Variants in USP33 observed in about 807,000 individuals in gnomAD.
The protein encoded by USP33 is ubiquitin specific peptidase 33.
USP33 carries 46 observed loss-of-function variants against 124.2 expected under a neutral mutation model. That is an observed-to-expected ratio of 0.37 (90% CI 0.29 to 0.47). The LOEUF (loss-of-function observed/expected upper bound fraction) is 0.47. Among genes scored for constraint, USP33 ranks in the 20% least tolerant of loss-of-function variants. USP33 has a pLI of 0.99. For synonymous variants in USP33, 350 were observed against 352.3 expected (o/e 0.99, Z 0.07); for missense variants, 851 against 1,070.6 (o/e 0.79, Z 2.86).
chr1:77,723,953 C>T (rs765345926), intron 11 of USP33, among the ~76,000 whole-genome samples: 3 of 151,928 alleles, frequency 2.0e-5, no homozygotes, highest in Non-Finnish European at 4.4e-5. Context: ...CGTGAGCCAC[C>T]GCACCCAGCC....
rs200160829 is a variant in USP33 at position 77,741,657 on chromosome 1, A to G, written c.41T>C (p.Val14Ala). 1 of 1,602,230 alleles carries G rather than the reference A, an allele frequency of 6.2e-7. No individual in the cohort carries two copies. The change falls in exon 2 of 24, where the codon GTT (valine) becomes GCT (alanine). Residue 14 changes from valine (V) to alanine (A), a missense_variant. Physicochemically the swap from Val to Ala is moderately conservative, Grantham distance 64 (BLOSUM62 0). Around this residue, in one of 4 missense-constraint regions of USP33, gnomAD observed 221 missense variants for 302.9 expected, o/e 0.73. Transcript: ENST00000370794. ...CAAATCTTCTTTTGTTATTTCACCA[A>G]CTGAATCCAAATGTGGACAATGATT... ...FRNHCPHLDS[V>A]GEITKEDLIQ...
At chr1:77,728,842 T>G (rs1677459841) in intron 9 of USP33, 130 bp from the exon 10 acceptor site, 1 of 974,944 alleles carries the variant, frequency 1.0e-6, no homozygotes, top group Non-Finnish European at 1.5e-6. Flanking sequence ...AATACCAGTT[T>G]GGAGAGCATA....
At chr1:77,721,102 C>T (rs1042939415) in intron 15 of USP33, 70 bp downstream of exon 15, 15 of 1,564,298 alleles carry the variant, frequency 9.6e-6, no homozygotes, top group Non-Finnish European at 1.2e-5. Flanking sequence ...AATTTAACTC[C>T]ACATACCCAA....
At chr1:77,729,784 T>C (rs971137769) in intron 9 of USP33, 76 bp downstream of exon 9, 26 of 1,407,190 alleles carry the variant, frequency 1.8e-5, no homozygotes, top group Non-Finnish European at 2.3e-5. Context: ...AAAAGATAAG[T>C]AGACCCAAAA....
intron 1 of USP33, among the ~76,000 whole-genome samples, chr1:77,747,250 T>TC (rs1401735411): frequency 4.0e-5 from 6 of 150,624 alleles, no homozygotes; most frequent in African/African-American, 1.5e-4. Flanking sequence ...CTTTTTTTTT[T>TC]TTTTTTTTTT....
intron 6 of USP33, among the ~76,000 whole-genome samples, chr1:77,734,914 G>A (rs1678252701): frequency 1.3e-5 from 2 of 152,106 alleles, no homozygotes; most frequent in South Asian, 4.2e-4. Context: ...ACGAGGTCAG[G>A]AGATCGAGAC....
Position 77,702,141 on chromosome 1 carries a change from C to CAAAAAAAAAAAAAAAAAAAA in USP33, c.2407-690_2407-671dup, listed in dbSNP as rs58750531. On this transcript the variant is annotated intron_variant, in intron 21 of 23. Coordinates refer to ENST00000370794, the MANE Select transcript of USP33 (RefSeq NM_201624.3). ...TGGGTGACAGAACAAGACCCTGTCT[C>CAAAAAAAAAAAAAAAAAAAA]AAAAAAAAAAAAAAAAAAAAAAAAA... 1.8e-3 allele frequency among the ~76,000 whole-genome samples: 29 copies of CAAAAAAAAAAAAAAAAAAAA among 15,784 alleles called. 1 individual carries two copies. The highest frequency in any genetic ancestry group is 3.3e-3 in the African/African-American group (26 of 7,804). The allele number at this position is 15,784 out of a possible 152,430, so 10.4% of individuals were successfully genotyped here.
At chr1:77,753,445 A>T (rs1436743381) in intron 1 of USP33, among the ~76,000 whole-genome samples, 2 of 152,078 alleles carry the variant, frequency 1.3e-5, no homozygotes, top group Admixed American at 1.3e-4. Flanking sequence ...AAAAAATAAT[A>T]ATTTTTTAAT....
intron 22 of USP33, among the ~76,000 whole-genome samples, chr1:77,700,696 TC>T (rs1431823290): frequency 6.7e-6 from 1 of 148,670 alleles, no homozygotes; most frequent in Non-Finnish European, 1.5e-5. Flanking sequence ...CATATCAGAA[TC>T]TTTTTTTTTT....
chr1:77,759,275 C>T (rs2101636205), intron 1 of USP33: 1 of 261,916 alleles, frequency 3.8e-6, no homozygotes. Flanking sequence ...TTTCAGTCAC[C>T]CACTGAGAGG....
At chr1:77,756,241 C>T (rs549731148) in intron 1 of USP33, among the ~76,000 whole-genome samples, 1 of 152,118 alleles carries the variant, frequency 6.6e-6, no homozygotes, top group African/African-American at 2.4e-5. Context: ...CAGCACCTGG[C>T]TCCCCTCCTC....
rs1429033028 is a variant in USP33 at position 77,701,349 on chromosome 1, T to A, written c.2509+20A>T. The A allele has an allele frequency of 2.6e-6, 4 of 1,551,276 alleles. No homozygotes were observed. The highest frequency in any genetic ancestry group is 3.5e-6 in the Non-Finnish European group (4 of 1,147,320). ...AAACAAATAATTTACCAAAAAAAAA[T>A]TTTTCAGTCAACCACTTACCTCCAT... On this transcript the variant is annotated intron_variant, in intron 22 of 23. Transcript: ENST00000370794.
At position 77,717,906 on chromosome 1, in the gene USP33, C is replaced by A; in HGVS notation, c.1879G>T (p.Asp627Tyr). Residue 627 changes from aspartate (D) to tyrosine (Y), a missense_variant, in exon 17 of 24, where the codon GAT (aspartate) becomes TAT (tyrosine). By Grantham distance (160) the Asp-to-Tyr change is radical. This residue lies in a region of USP33 where 281 missense variants were observed against 425.0 expected (regional missense o/e 0.66). Transcript: ENST00000370794. ...TGATGGCAAATGACTGACAGAAGAT[C>A]ATATGTCACAATTTGAGCTGGACTA... Reference protein sequence around the residue: ...KDSPAQIVTYDLLSVICHHGT... With the variant: ...KDSPAQIVTYYLLSVICHHGT... 1 of 1,612,840 alleles carries A rather than the reference C, an allele frequency of 6.2e-7. No homozygotes were observed. The highest frequency in any genetic ancestry group is 1.1e-5 in the South Asian group (1 of 90,664).
intron 1 of USP33, among the ~76,000 whole-genome samples, chr1:77,758,175 C>CTTTTTTTT (rs1185358841): frequency 3.2e-5 from 3 of 94,280 alleles, no homozygotes; most frequent in African/African-American, 4.5e-5. Flanking sequence ...TTGTACTGTC[C>CTTTTTTTT]TTTTTTTTTT....
At chr1:77,746,144 TAAA>T (rs1478119068) in intron 1 of USP33, among the ~76,000 whole-genome samples, 1 of 151,674 alleles carries the variant, frequency 6.6e-6, no homozygotes, top group Non-Finnish European at 1.5e-5. Context: ...GCAAGACTAA[TAAA>T]GAAGAAAAGA....
intron 21 of USP33, among the ~76,000 whole-genome samples, chr1:77,703,233 T>C (rs1039086650): frequency 6.6e-6 from 1 of 152,198 alleles, no homozygotes. Flanking sequence ...GCACTAACCC[T>C]TCTTTTTGCA....
At position 77,717,966 on chromosome 1, in the gene USP33, C is replaced by T. The variant is rs780797913; in HGVS notation, c.1819G>A (p.Glu607Lys). 2.5e-6 allele frequency: 4 copies of T among 1,613,876 alleles called. No homozygotes were observed. Among genetic ancestry groups the T allele is most frequent in the Non-Finnish European group, 3.4e-6 (4 of 1,179,948 alleles). ...KISTHVSFPLEGLDLQPFLAK... is the reference protein window; with the variant it reads ...KISTHVSFPLKGLDLQPFLAK... ...AGAAATGGCTGAAGATCCAAGCCTTCTAGCGGAAATGAAACATGGGTACTG... is the reference window on the plus strand; with the variant it reads ...AGAAATGGCTGAAGATCCAAGCCTTTTAGCGGAAATGAAACATGGGTACTG... The change falls in exon 17 of 24, where the codon GAA (glutamate) becomes AAA (lysine). Residue 607 changes from glutamate (E) to lysine (K), a missense_variant. By Grantham distance (56) the Glu-to-Lys change is moderately conservative (BLOSUM62 1). Transcript: ENST00000370794.
chr1:77,722,176 G>A lies in USP33; in HGVS notation c.1410C>T (p.Thr470=), dbSNP rs1304257055. The A allele has an allele frequency of 3.7e-6, 6 of 1,612,616 alleles. No individual in the cohort carries two copies. In the Admixed American group the frequency reaches 8.4e-5, roughly 22 times the overall value. The change falls in exon 13 of 24, where the codon ACC becomes ACT. Residue 470 remains threonine, a synonymous_variant. Transcript: ENST00000370794. ...TCDRVSVTLE[T]FQDLSLPIPG... ...GAATTGGCAAGGACAGATCTTGAAAGGTCTCGAGGGTTACAGACACCTAAA... is the reference window on the plus strand; with the variant it reads ...GAATTGGCAAGGACAGATCTTGAAAAGTCTCGAGGGTTACAGACACCTAAA...
chr1:77,721,302 A>C, intron 14 of USP33, 97 bp from the exon 15 acceptor site: 1 of 1,325,372 alleles, frequency 7.5e-7, no homozygotes, highest in Non-Finnish European at 1.1e-6. Context: ...CTGACCTCCC[A>C]GCACAGAAAA....
Sources: allele counts gnomAD v4.1 joint callset (sites outside exome capture counted in the v4.1 genomes callset), GRCh38; gene constraint gnomAD v4.1.1; regional missense constraint gnomAD v4.1.1; transcripts MANE v1.5; gene names NCBI Gene and HGNC (gene_info 2026-07-23, HGNC 2026-07-21).